Variants in SHANK2 observed in about 807,000 individuals in gnomAD.
SHANK2 encodes SH3 and multiple ankyrin repeat domains 2.
Under a neutral mutation model 133.7 loss-of-function variants are expected in SHANK2, and 43 were observed. The ratio of observed to expected loss-of-function variants is 0.32; its 90% CI spans 0.25 to 0.41. SHANK2 has a LOEUF of 0.41. Among genes scored for constraint, SHANK2 ranks in the 10% least tolerant of loss-of-function variants. The probability of loss-of-function intolerance (pLI) is 1.00; values close to 1 mark genes in which losing one functional copy is unlikely to be tolerated. For missense variants in SHANK2, 1,994 were observed against 2,235.8 expected, an observed-to-expected ratio of 0.89 and a Z score of 2.18; for synonymous variants, 1,017 against 952.8, an observed-to-expected ratio of 1.07 and a Z score of -1.24.
At chr11:70,659,692 G>T (rs2061455872) in intron 17 of SHANK2, 136 bp downstream of exon 17, 3 of 1,077,156 alleles carry the variant, frequency 2.8e-6, no homozygotes, top group Non-Finnish European at 4.1e-6. Flanking sequence ...GGGAGAAACT[G>T]ACCAATGAAA....
intron 8 of SHANK2, among the ~76,000 whole-genome samples, chr11:71,085,683 T>C (rs1406260874): frequency 1.5e-5 from 1 of 65,602 alleles, no homozygotes; most frequent in Non-Finnish European, 2.7e-5. Flanking sequence ...ATATATATAA[T>C]ATAATATATA....
chr11:70,712,147 T>G (rs1591774960), intron 14 of SHANK2, among the ~76,000 whole-genome samples: 1 of 152,174 alleles, frequency 6.6e-6, no homozygotes, highest in Non-Finnish European at 1.5e-5. Context: ...GCGGTGTTCC[T>G]CGGATCCTGG....
Position 70,489,355 on chromosome 11 carries a change from G to A in SHANK2, c.2552-7C>T. 6.2e-7 allele frequency: 1 copy of A among 1,613,854 alleles called. No individual in the cohort carries two copies. Among genetic ancestry groups the A allele is most frequent in the South Asian group, 1.1e-5 (1 of 91,080 alleles). Reference sequence around the variant, plus strand: ...GATAGAAAGATTCTGCTGTCTGACAGGAGGAAATCAGTTGTTATTAACCAG... The same window carrying A: ...GATAGAAAGATTCTGCTGTCTGACAAGAGGAAATCAGTTGTTATTAACCAG... On this transcript the variant is annotated splice_region_variant and splice_polypyrimidine_tract_variant and intron_variant, in intron 23 of 25. Coordinates refer to ENST00000601538, the MANE Select transcript of SHANK2 (RefSeq NM_012309.5).
At position 70,599,863 on chromosome 11, in the gene SHANK2, A is replaced by G. The variant is rs200201590; in HGVS notation, c.2061+59965T>C. 7.4e-3 allele frequency among the ~76,000 whole-genome samples: 505 copies of G among 68,034 alleles called. 1 individual carries two copies. The highest frequency in any genetic ancestry group is 0.014 in the Middle Eastern group (2 of 140). The allele number at this position is 68,034 out of a possible 152,430, so 44.6% of individuals were successfully genotyped here. ...AAGGAGAGAACGAAAGAAAGAAATA[A>G]AAAGAAAGAAAGAAAGAAAGAAAGA... On this transcript the variant is annotated intron_variant, in intron 17 of 25. Coordinates refer to ENST00000601538, the MANE Select transcript of SHANK2 (RefSeq NM_012309.5).
chr11:70,897,153 T>C (rs1555075857), intron 10 of SHANK2, among the ~76,000 whole-genome samples: 2 of 152,152 alleles, frequency 1.3e-5, no homozygotes, highest in African/African-American at 4.8e-5. Context: ...TGCCTAAAGA[T>C]GCATGATCTT....
intron 1 of SHANK2, among the ~76,000 whole-genome samples, chr11:71,250,623 A>G (rs1318294002): frequency 6.6e-6 from 1 of 152,166 alleles, no homozygotes; most frequent in Non-Finnish European, 1.5e-5. Context: ...CCAACCCACA[A>G]GTAGTTGGAA....
intron 1 of SHANK2, among the ~76,000 whole-genome samples, chr11:71,239,376 C>T (rs1421760244): frequency 2.0e-5 from 3 of 152,158 alleles, no homozygotes; most frequent in Non-Finnish European, 4.4e-5. Context: ...GCAGATAATA[C>T]GTTAATAATG....
intron 2 of SHANK2, among the ~76,000 whole-genome samples, chr11:71,195,906 G>A (rs1227105934): frequency 6.6e-6 from 1 of 152,228 alleles, no homozygotes; most frequent in East Asian, 1.9e-4. Flanking sequence ...GATGGGCCGG[G>A]TGCAGTGGCT....
intron 8 of SHANK2, among the ~76,000 whole-genome samples, chr11:71,079,035 A>G (rs1322343792): frequency 6.6e-6 from 1 of 152,244 alleles, no homozygotes; most frequent in African/African-American, 2.4e-5. Flanking sequence ...GCATCAAAAG[A>G]GGAGAAACCC....
At chr11:71,065,836 C>T (rs1282094680) in intron 9 of SHANK2, among the ~76,000 whole-genome samples, 1 of 32,960 alleles carries the variant, frequency 3.0e-5, no homozygotes, top group Non-Finnish European at 5.3e-5. Flanking sequence ...GGGGGCGGGG[C>T]ATACAGAACT....
chr11:71,247,866 C>G (rs1954982976), intron 1 of SHANK2, among the ~76,000 whole-genome samples: 1 of 152,214 alleles, frequency 6.6e-6, no homozygotes, highest in Non-Finnish European at 1.5e-5. Context: ...AAACACTGTC[C>G]CCAGTCGTGC....
At chr11:70,617,375 C>A (rs1554996366) in intron 17 of SHANK2, among the ~76,000 whole-genome samples, 1 of 152,112 alleles carries the variant, frequency 6.6e-6, no homozygotes, top group East Asian at 1.9e-4. Context: ...ATGTAAAAAT[C>A]TTCCTCAGAA....
At chr11:71,085,898 A>G (rs1951394318) in intron 8 of SHANK2, among the ~76,000 whole-genome samples, 7 of 816 alleles carry the variant, frequency 8.6e-3, no homozygotes, top group Admixed American at 0.062. Context: ...TAATATATAT[A>G]TTAATTATAT....
chr11:70,488,937 G>T, intron 24 of SHANK2: 1 of 279,182 alleles, frequency 3.6e-6, no homozygotes, highest in South Asian at 3.7e-5. Flanking sequence ...ACACAGACAC[G>T]TCAACAGGAG....
At chr11:70,610,318 A>G (rs1462845023) in intron 17 of SHANK2, among the ~76,000 whole-genome samples, 9 of 152,128 alleles carry the variant, frequency 5.9e-5, no homozygotes, top group African/African-American at 2.2e-4. Flanking sequence ...CGAGGCGTGC[A>G]AACTCAGCTC....
intron 17 of SHANK2, chr11:70,604,790 C>A (rs2060552282): frequency 6.6e-6 from 1 of 152,290 alleles, no homozygotes; most frequent in Non-Finnish European, 1.5e-5. Context: ...TCATATGATC[C>A]TCACCCCATT....
intron 14 of SHANK2, among the ~76,000 whole-genome samples, chr11:70,719,644 C>A (rs189721312): frequency 6.6e-6 from 1 of 151,972 alleles, no homozygotes. Context: ...CTACCTGGCA[C>A]GCCAGGGGCC....
intron 1 of SHANK2, among the ~76,000 whole-genome samples, chr11:71,238,348 G>A (rs782536330): frequency 3.3e-5 from 5 of 152,162 alleles, no homozygotes; most frequent in African/African-American, 9.7e-5. Flanking sequence ...AACAGTTGGC[G>A]GTACGTGGAT....
chr11:71,242,277 G>A (rs79477394), intron 1 of SHANK2, among the ~76,000 whole-genome samples: 2,655 of 152,256 alleles, frequency 0.017, 94 homozygotes, highest in African/African-American at 0.061. Flanking sequence ...TTTCAGTTCT[G>A]CAAGCTGAAG....
Sources: gnomAD v4.1 joint callset for allele counts (sites outside exome capture counted in the v4.1 genomes callset) on GRCh38, gnomAD v4.1.1 for gene constraint, MANE v1.5 for transcripts, NCBI Gene and HGNC (gene_info 2026-07-23, HGNC 2026-07-21) for gene names.